AFF3: variants seen among roughly 807,000 people sequenced by gnomAD.
The protein encoded by AFF3 is ALF transcription elongation factor 3.
In AFF3, 32 loss-of-function variants were observed where a neutral mutation model predicts 129.7. That is an observed-to-expected ratio of 0.25 (90% CI 0.19 to 0.33). The LOEUF is 0.33. AFF3 is among the 10% of genes least tolerant of loss of function. The pLI is 1.00. For synonymous variants in AFF3, 644 were observed against 635.4 expected, an observed-to-expected ratio of 1.01 and a Z score of -0.20; for missense variants, 1,373 against 1,592.0, an observed-to-expected ratio of 0.86 and a Z score of 2.34.
At chr2:99,864,278 C>G (rs888571103) in intron 7 of AFF3, among the ~76,000 whole-genome samples, 2 of 152,174 alleles carry the variant, frequency 1.3e-5, no homozygotes, top group Admixed American at 1.3e-4. Flanking sequence ...CACTGGTGGA[C>G]CTCCATTCTG....
At chr2:99,627,008 A>C (rs534030873) in intron 13 of AFF3, among the ~76,000 whole-genome samples, 1 of 152,212 alleles carries the variant, frequency 6.6e-6, no homozygotes, top group East Asian at 1.9e-4. Context: ...GGTTGATTCC[A>C]TGTCTCTGCT....
At chr2:100,015,938 A>ATGG (rs373721833) in intron 4 of AFF3, among the ~76,000 whole-genome samples, 43 of 151,360 alleles carry the variant, frequency 2.8e-4, no homozygotes, top group Non-Finnish European at 3.8e-4. Flanking sequence ...GATGGTTATG[A>ATGG]TGGTGGTGGT....
intron 18 of AFF3, chr2:99,572,605 T>G: frequency 2.2e-6 from 1 of 455,742 alleles, no homozygotes; most frequent in Non-Finnish European, 4.4e-6. Context: ...CTTAGGGAAG[T>G]TGAAATCCAA....
intron 7 of AFF3, among the ~76,000 whole-genome samples, chr2:99,919,163 G>A (rs1016939665): frequency 3.3e-5 from 5 of 152,092 alleles, no homozygotes; most frequent in African/African-American, 1.2e-4. Flanking sequence ...AGACATGGAT[G>A]AAAAACATTT....
intron 7 of AFF3, among the ~76,000 whole-genome samples, chr2:99,870,365 A>C (rs1691781750): frequency 6.6e-6 from 1 of 152,052 alleles, no homozygotes; most frequent in South Asian, 2.1e-4. Context: ...TTCTACCCTG[A>C]CTCTGCAGCC....
intron 8 of AFF3, among the ~76,000 whole-genome samples, chr2:99,764,242 T>C (rs986900721): frequency 1.3e-5 from 2 of 152,156 alleles, no homozygotes; most frequent in Non-Finnish European, 1.5e-5. Flanking sequence ...TGCAGGGAAG[T>C]CAATTCCATG....
chr2:100,014,758 C>CCATACCT (rs1418491221), intron 4 of AFF3, among the ~76,000 whole-genome samples: 4 of 149,882 alleles, frequency 2.7e-5, no homozygotes, highest in Admixed American at 1.3e-4. Context: ...GTTACTCTCT[C>CCATACCT]CATACCTCCA....
rs1411509353 is a variant in AFF3 at position 99,722,028 on chromosome 2, AT to A, written c.1091+5048del. ...TGATATGAGTTTAAGTTTACTGATT[AT>A]TTTTTCATTTCTATGCTTCATTTAT... On this transcript the variant is annotated intron_variant, in intron 11 of 24. Coordinates refer to ENST00000672756, the MANE Select transcript of AFF3 (RefSeq NM_001386135.1). Among the ~76,000 whole-genome samples the A allele has an allele frequency of 2.0e-5, 3 of 151,850 alleles. No individual in the cohort carries two copies. The East Asian group carries it at 5.8e-4, about 29-fold the overall frequency.
intron 2 of AFF3, among the ~76,000 whole-genome samples, chr2:100,116,663 T>C (rs2105544594): frequency 6.6e-6 from 1 of 152,298 alleles, no homozygotes; most frequent in Non-Finnish European, 1.5e-5. Context: ...TATTTGTGTA[T>C]CATTGTTGTC....
intron 18 of AFF3, among the ~76,000 whole-genome samples, chr2:99,570,817 A>C (rs1376165617): frequency 6.6e-6 from 1 of 152,228 alleles, no homozygotes; most frequent in East Asian, 1.9e-4. Flanking sequence ...AGCTCTGCTC[A>C]TCACTTCCCC....
intron 8 of AFF3, among the ~76,000 whole-genome samples, chr2:99,799,482 A>G (rs1004682652): frequency 3.3e-5 from 5 of 152,080 alleles, no homozygotes; most frequent in African/African-American, 1.2e-4. Flanking sequence ...TGAGAAGCAA[A>G]TAGAGAGACA....
intron 4 of AFF3, among the ~76,000 whole-genome samples, chr2:100,059,474 AACTGGAACCTTCAT>A (rs1687076563): frequency 6.6e-6 from 1 of 152,130 alleles, no homozygotes; most frequent in South Asian, 2.1e-4. Context: ...GCTGTGGAGA[AACTGGAACCTTCAT>A]ACACCACTAG....
chr2:99,626,504 T>C (rs1682595328), intron 13 of AFF3, among the ~76,000 whole-genome samples: 1 of 100,440 alleles, frequency 1.0e-5, no homozygotes, highest in African/African-American at 3.9e-5. Context: ...TTCCTTCCCT[T>C]CCCTTTCCCC....
chr2:99,677,739 C>A (rs961944730), intron 11 of AFF3, among the ~76,000 whole-genome samples: 2 of 152,164 alleles, frequency 1.3e-5, no homozygotes, highest in African/African-American at 4.8e-5. Flanking sequence ...CCTGGAGGAC[C>A]TTTTTCTTTC....
At chr2:99,895,436 C>A (rs1390191494) in intron 7 of AFF3, among the ~76,000 whole-genome samples, 2 of 152,192 alleles carry the variant, frequency 1.3e-5, no homozygotes, top group African/African-American at 4.8e-5. Context: ...TTTAGATACG[C>A]TGAAGTGCAG....
chr2:99,796,293 G>GCT (rs1685551884), intron 8 of AFF3, among the ~76,000 whole-genome samples: 1 of 152,136 alleles, frequency 6.6e-6, no homozygotes, highest in Non-Finnish European at 1.5e-5. Context: ...ACTGACATAT[G>GCT]AATACACTGT....
At chr2:100,000,656 T>C (rs1681313736) in intron 7 of AFF3, among the ~76,000 whole-genome samples, 1 of 152,202 alleles carries the variant, frequency 6.6e-6, no homozygotes, top group Non-Finnish European at 1.5e-5. Flanking sequence ...ATATTGTCAC[T>C]GTGCTAAGCA....
At chr2:100,036,678 A>G (rs1378769904) in intron 4 of AFF3, among the ~76,000 whole-genome samples, 1 of 152,026 alleles carries the variant, frequency 6.6e-6, no homozygotes, top group Non-Finnish European at 1.5e-5. Flanking sequence ...TATGTGACAT[A>G]TAAGAGAAGG....
At chr2:100,071,503 A>G (rs1036168198) in intron 4 of AFF3, among the ~76,000 whole-genome samples, 7 of 152,182 alleles carry the variant, frequency 4.6e-5, no homozygotes, top group African/African-American at 1.4e-4. Flanking sequence ...CAAAGCAAGC[A>G]TCCACTTTAC....
Sources: gnomAD v4.1 joint callset for allele counts (sites outside exome capture counted in the v4.1 genomes callset) on GRCh38, gnomAD v4.1.1 for gene constraint, MANE v1.5 for transcripts, NCBI Gene and HGNC (gene_info 2026-07-23, HGNC 2026-07-21) for gene names.